Variants in MOSMO observed in about 807,000 individuals in gnomAD.
The protein encoded by MOSMO is modulator of smoothened.
A neutral mutation model predicts 18.4 loss-of-function variants in MOSMO; 5 were observed. The ratio of observed to expected loss-of-function variants is 0.27; its 90% CI spans 0.14 to 0.57. MOSMO has a LOEUF of 0.57. Ranked by LOEUF, MOSMO falls within the 20% of genes least tolerant of loss-of-function variation. The pLI, the probability that MOSMO is intolerant of heterozygous loss-of-function variation, is 0.92. For synonymous variants in MOSMO, 82 were observed against 82.3 expected (o/e 1.00, Z 0.02); for missense variants, 138 against 211.8 (o/e 0.65, Z 2.16).
chr16:22,086,473 T>A (rs1381311897), downstream of MOSMO, among the ~76,000 whole-genome samples: 1 of 152,206 alleles, frequency 6.6e-6, no homozygotes, highest in Non-Finnish European at 1.5e-5. Context: ...TTGAAATATA[T>A]CTAATCTTTT....
rs906762480 is a variant in MOSMO, at chr16:22,013,880, T to TG, written c.106+5483dup. Among the ~76,000 whole-genome samples the TG allele has an allele frequency of 2.8e-3, 399 of 142,234 alleles. 1 individual carries two copies. Among genetic ancestry groups the TG allele is most frequent in the Admixed American group, 5.5e-3 (78 of 14,200 alleles). The allele number at this position is 142,234 out of a possible 152,430, so 93.3% of individuals were successfully genotyped here. A position where few individuals can be genotyped will look rare whatever the true frequency, so the allele number is the denominator to read the frequency against. On this transcript the variant is annotated intron_variant, in intron 1 of 2. Coordinates refer to ENST00000542527, the MANE Select transcript of MOSMO (RefSeq NM_001164579.2). ...ATTGTCTAGATGGGATGTTACTGTT[T>TG]GGGGGGGGGGAATCTCAAAAACTGA...
At chr16:22,033,845 T>C (rs1013833332) in intron 1 of MOSMO, among the ~76,000 whole-genome samples, 15 of 151,992 alleles carry the variant, frequency 9.9e-5, no homozygotes, top group Admixed American at 3.3e-4. Context: ...ATAAAAAACA[T>C]GCTCACAATA....
At chr16:22,060,770 G>A (rs922418592) in intron 1 of MOSMO, among the ~76,000 whole-genome samples, 1 of 152,070 alleles carries the variant, frequency 6.6e-6, no homozygotes, top group Admixed American at 6.5e-5. Flanking sequence ...CAACTCCAGA[G>A]GCTGAGGCAG....
intron 1 of MOSMO, among the ~76,000 whole-genome samples, chr16:22,064,011 G>A (rs1284049041): frequency 2.6e-5 from 4 of 152,102 alleles, no homozygotes; most frequent in Non-Finnish European, 5.9e-5. Flanking sequence ...TTGTATCCTT[G>A]GATTAATCAT....
At chr16:22,044,163 A>G (rs1003557047) in intron 1 of MOSMO, among the ~76,000 whole-genome samples, 1 of 152,154 alleles carries the variant, frequency 6.6e-6, no homozygotes, top group South Asian at 2.1e-4. Context: ...AGGAGTTTCA[A>G]TCAAGATGAG....
chr16:22,092,599 G>C, the MOSMO span: 1 of 1,549,588 alleles, frequency 6.5e-7, no homozygotes, highest in East Asian at 2.4e-5. Context: ...GTAAGGCCCT[G>C]GAGTGCCAGG....
chr16:22,057,348 T>G (rs1426531535), intron 1 of MOSMO, among the ~76,000 whole-genome samples: 1 of 152,244 alleles, frequency 6.6e-6, no homozygotes, highest in African/African-American at 2.4e-5. Flanking sequence ...TGTTCTAACA[T>G]GGCGGAAGAG....
intron 1 of MOSMO, among the ~76,000 whole-genome samples, chr16:22,072,186 C>A (rs1033496744): frequency 6.6e-6 from 1 of 152,078 alleles, no homozygotes; most frequent in Non-Finnish European, 1.5e-5. Context: ...GTCTGAAGCT[C>A]AAGGAGGTAA....
intron 1 of MOSMO, among the ~76,000 whole-genome samples, chr16:22,023,705 T>C (rs1899810427): frequency 6.6e-6 from 1 of 152,098 alleles, no homozygotes; most frequent in Non-Finnish European, 1.5e-5. Flanking sequence ...GGTACAGATA[T>C]CAGCCATTCT....
At chr16:22,075,746 C>CA in intron 2 of MOSMO, 47 bp downstream of exon 2, 1 of 1,333,090 alleles carries the variant, frequency 7.5e-7, no homozygotes, top group Non-Finnish European at 1.0e-6. Context: ...CACCCACCCA[C>CA]ACTGGTATTT....
At position 22,082,222 on chromosome 16, in the gene MOSMO, C is replaced by G. The variant is rs1451014682; in HGVS notation, c.*1342C>G. The G allele has an allele frequency of 6.6e-6, 1 of 152,044 alleles. No homozygotes were observed. 9.4% of individuals were successfully genotyped at this position (152,044 alleles called of 1,614,324 possible). On this transcript the variant is annotated 3_prime_UTR_variant, in exon 3 of 3. Transcript: ENST00000542527. The stretch of plus-strand genomic sequence containing the variant: ...CAATATTTTCTTTATATGTTATATG[C>G]CTTTGTTTGCTAAAAGCTAATATTT...
intron 1 of MOSMO, among the ~76,000 whole-genome samples, chr16:22,068,980 A>G (rs112423770): frequency 1.6e-3 from 246 of 152,290 alleles, no homozygotes; most frequent in African/African-American, 5.5e-3. Context: ...GCTGCCCCCA[A>G]TGCAGATGCT....
rs1901136716 is a variant in MOSMO, at chr16:22,084,521, A to G, written c.*3641A>G. 2 of 152,204 alleles carry G rather than the reference A, an allele frequency of 1.3e-5. No homozygotes were observed. Among genetic ancestry groups the G allele is most frequent in the Admixed American group, 6.5e-5 (1 of 15,272 alleles). 9.4% of individuals were successfully genotyped at this position (152,204 alleles called of 1,614,324 possible). ...ATTAAGAATTGTTTTCTAATTGGTT[A>G]TAACATTTTTCAATTAATAGTTTCA... On this transcript the variant is annotated 3_prime_UTR_variant, in exon 3 of 3. Coordinates refer to ENST00000542527, the MANE Select transcript of MOSMO (RefSeq NM_001164579.2).
intron 1 of MOSMO, among the ~76,000 whole-genome samples, chr16:22,026,602 G>A (rs1899881877): frequency 6.6e-6 from 1 of 152,134 alleles, no homozygotes; most frequent in Non-Finnish European, 1.5e-5. Flanking sequence ...TACGGGAAGG[G>A]GTGGTAAAGA....
intron 1 of MOSMO, among the ~76,000 whole-genome samples, chr16:22,036,200 C>T (rs1900105724): frequency 6.6e-6 from 1 of 152,054 alleles, no homozygotes; most frequent in African/African-American, 2.4e-5. Flanking sequence ...AATCATGGCT[C>T]ACCGCAGCCT....
chr16:22,069,363 T>C (rs1900804868), intron 1 of MOSMO, among the ~76,000 whole-genome samples: 1 of 152,176 alleles, frequency 6.6e-6, no homozygotes, highest in Non-Finnish European at 1.5e-5. Context: ...CTAGAAGCAG[T>C]ATAATCCAGA....
chr16:22,041,321 G>C (rs1473973559), intron 1 of MOSMO, among the ~76,000 whole-genome samples: 6 of 152,178 alleles, frequency 3.9e-5, no homozygotes, highest in Non-Finnish European at 7.3e-5. Context: ...TTTAGAGAGA[G>C]AGCAGAAAGA....
intron 2 of MOSMO, among the ~76,000 whole-genome samples, chr16:22,079,835 G>A (rs1901042064): frequency 6.6e-6 from 1 of 152,110 alleles, no homozygotes. Context: ...CCAGGCTGGA[G>A]TGCAGTGGCA....
At chr16:22,048,026 G>A (rs1381107217) in intron 1 of MOSMO, among the ~76,000 whole-genome samples, 2 of 152,188 alleles carry the variant, frequency 1.3e-5, no homozygotes, top group Admixed American at 6.5e-5. Context: ...TGAAAGACGA[G>A]GGAGTTAAGT....
Sources: allele counts gnomAD v4.1 joint callset (sites outside exome capture counted in the v4.1 genomes callset), GRCh38; gene constraint gnomAD v4.1.1; transcripts MANE v1.5; gene names NCBI Gene and HGNC (gene_info 2026-07-23, HGNC 2026-07-21).